Variants in ITPRID1 observed in about 807,000 individuals in gnomAD.
The protein encoded by ITPRID1 is protein ITPRID1.
Under a neutral mutation model 95.4 loss-of-function variants are expected in ITPRID1, and 96 were observed. The ratio of observed to expected loss-of-function variants is 1.01; its 90% CI spans 0.85 to 1.19. The LOEUF (loss-of-function observed/expected upper bound fraction) is 1.19. Ranked by LOEUF, ITPRID1 falls within the 50% of genes most tolerant of loss-of-function variation. The pLI is 0.00. For missense variants in ITPRID1, 1,339 were observed against 1,252.9 expected (o/e 1.07, Z -1.04); for synonymous variants, 510 against 453.6 (o/e 1.12, Z -1.58).
At chr7:31,562,199 A>G (rs1425309379) in intron 5 of ITPRID1, among the ~76,000 whole-genome samples, 2 of 152,112 alleles carry the variant, frequency 1.3e-5, no homozygotes, top group Non-Finnish European at 2.9e-5. Flanking sequence ...GTGAGAGTGC[A>G]TTGTCATTAT....
At chr7:31,601,469 C>T (rs1267387424) in intron 10 of ITPRID1, among the ~76,000 whole-genome samples, 1 of 152,120 alleles carries the variant, frequency 6.6e-6, no homozygotes, top group African/African-American at 2.4e-5. Context: ...TCTGAATTGA[C>T]CTTGAGAGAA....
chr7:31,547,381 C>T (rs893306131), intron 1 of ITPRID1, among the ~76,000 whole-genome samples: 3 of 152,174 alleles, frequency 2.0e-5, no homozygotes, highest in Admixed American at 2.0e-4. Flanking sequence ...CCTCAGGAAA[C>T]TTACAGTCAT....
chr7:31,542,036 C>A (rs898324692), intron 1 of ITPRID1, among the ~76,000 whole-genome samples: 1 of 152,118 alleles, frequency 6.6e-6, no homozygotes, highest in Non-Finnish European at 1.5e-5. Flanking sequence ...AATTCTTTAG[C>A]CTTTTAATGT....
chr7:31,567,998 C>A (rs1217367159), intron 5 of ITPRID1, among the ~76,000 whole-genome samples: 1 of 151,918 alleles, frequency 6.6e-6, no homozygotes, highest in Non-Finnish European at 1.5e-5. Context: ...TGGTGGTACA[C>A]ACCTGTAATC....
At chr7:31,550,535 C>T (rs756624456) in intron 2 of ITPRID1, among the ~76,000 whole-genome samples, 14 of 152,216 alleles carry the variant, frequency 9.2e-5, no homozygotes, top group African/African-American at 2.6e-4. Flanking sequence ...TGTCCCTTTC[C>T]GAAGGGCTGC....
intron 1 of ITPRID1, among the ~76,000 whole-genome samples, chr7:31,548,420 A>T (rs555679424): frequency 2.0e-5 from 3 of 152,306 alleles, no homozygotes; most frequent in African/African-American, 7.2e-5. Flanking sequence ...GGAAATTTAC[A>T]CTATCTTGAA....
intron 10 of ITPRID1, among the ~76,000 whole-genome samples, chr7:31,607,370 AAGG>A (rs1786670490): frequency 6.6e-6 from 1 of 152,174 alleles, no homozygotes; most frequent in South Asian, 2.1e-4. Context: ...GAAATAAGGA[AAGG>A]AGGCAAACTT....
intron 13 of ITPRID1, among the ~76,000 whole-genome samples, chr7:31,651,635 G>A (rs1252366395): frequency 6.6e-6 from 1 of 152,098 alleles, no homozygotes; most frequent in African/African-American, 2.4e-5. Flanking sequence ...AGAGGCATAC[G>A]GGTTTTTCTT....
chr7:31,535,919 A>G (rs117640119), intron 1 of ITPRID1, among the ~76,000 whole-genome samples: 8,068 of 151,884 alleles, frequency 0.053, 300 homozygotes, highest in Non-Finnish European at 0.077. Flanking sequence ...AGATTTTTCT[A>G]TTTATCTTCC....
chr7:31,523,290 G>T (rs1248756095), intron 1 of ITPRID1, among the ~76,000 whole-genome samples: 1 of 152,172 alleles, frequency 6.6e-6, no homozygotes, highest in African/African-American at 2.4e-5. Flanking sequence ...GAGATGTATG[G>T]ATTTAACTAA....
At chr7:31,626,227 A>G (rs1435701609) in intron 10 of ITPRID1, among the ~76,000 whole-genome samples, 1 of 152,218 alleles carries the variant, frequency 6.6e-6, no homozygotes, top group African/African-American at 2.4e-5. Context: ...GAATCATAAC[A>G]TCACATAAAG....
At chr7:31,533,301 T>C (rs1334164006) in intron 1 of ITPRID1, among the ~76,000 whole-genome samples, 1 of 152,192 alleles carries the variant, frequency 6.6e-6, no homozygotes, top group East Asian at 1.9e-4. Flanking sequence ...TCATGAAGTT[T>C]CTTGATAACA....
At chr7:31,581,892 C>T (rs912048901) in intron 9 of ITPRID1, among the ~76,000 whole-genome samples, 4 of 151,554 alleles carry the variant, frequency 2.6e-5, no homozygotes, top group Non-Finnish European at 1.5e-5. Context: ...TAATAGATTA[C>T]AAGTGTAAAG....
rs1211341223 is a variant in ITPRID1 at position 31,655,114 on chromosome 7, T to C, written c.*2285T>C. Among the ~76,000 whole-genome samples the C allele has an allele frequency of 1.3e-5, 2 of 152,208 alleles. No homozygotes were observed. Among genetic ancestry groups the C allele is most frequent in the African/African-American group, 4.8e-5 (2 of 41,466 alleles). ...TCCAGTATCCCAGCCCAGCATTTTT[T>C]ACTGTCCATAAGACATTTTGACCTG... On this transcript the variant is annotated 3_prime_UTR_variant, in exon 15 of 15. Coordinates refer to ENST00000615280, the MANE Select transcript of ITPRID1 (RefSeq NM_001257967.3).
intron 10 of ITPRID1, among the ~76,000 whole-genome samples, chr7:31,615,969 T>C (rs2128168141): frequency 6.6e-6 from 1 of 152,020 alleles, no homozygotes; most frequent in East Asian, 1.9e-4. Context: ...GGTCTCGCTC[T>C]CCTGACCTCC....
chr7:31,519,620 C>CTCTCTCCATATATATATATATATATATA lies in ITPRID1; in HGVS notation c.-98+5501_-98+5502insCTCTCCATATATATATATATATATATAT. Among the ~76,000 whole-genome samples the CTCTCTCCATATATATATATATATATATA allele has an allele frequency of 1.1e-3, 27 of 25,270 alleles. 1 individual carries two copies. Among genetic ancestry groups the CTCTCTCCATATATATATATATATATATA allele is most frequent in the East Asian group, 6.0e-3 (2 of 334 alleles). 16.6% of individuals were successfully genotyped at this position (25,270 alleles called of 152,430 possible). A position where few individuals can be genotyped will look rare whatever the true frequency, so the allele number is the denominator to read the frequency against. On this transcript the variant is annotated intron_variant, in intron 1 of 14. Transcript: ENST00000615280. ...TCTCTCTCTCTCTCTCTCTCTCTCTCTATATATATATATATATATATATAT... is the reference window on the plus strand; with the variant it reads ...TCTCTCTCTCTCTCTCTCTCTCTCTCTCTCTCCATATATATATATATATATATATATATATATATATATATATATATAT...
chr7:31,545,387 A>G (rs1784064148), intron 1 of ITPRID1, among the ~76,000 whole-genome samples: 1 of 152,020 alleles, frequency 6.6e-6, no homozygotes, highest in African/African-American at 2.4e-5. Flanking sequence ...CCTCAAGATG[A>G]AGCAAAGCAA....
At chr7:31,618,767 G>A (rs947043695) in intron 10 of ITPRID1, among the ~76,000 whole-genome samples, 3 of 152,214 alleles carry the variant, frequency 2.0e-5, no homozygotes, top group Non-Finnish European at 2.9e-5. Context: ...GCTGGCAAGT[G>A]TTGGCATCAG....
chr7:31,639,544 T>TTTTTTTTTTTTTTTTTTTTG (rs1562644465), intron 10 of ITPRID1, among the ~76,000 whole-genome samples: 3 of 135,184 alleles, frequency 2.2e-5, no homozygotes, highest in Admixed American at 7.2e-5. Context: ...TTTTGTTTTT[T>TTTTTTTTTTTTTTTTTTTTG]TTTTTTTTTT....
Sources: gnomAD v4.1 joint callset for allele counts (sites outside exome capture counted in the v4.1 genomes callset) on GRCh38, gnomAD v4.1.1 for gene constraint, MANE v1.5 for transcripts, NCBI Gene and HGNC (gene_info 2026-07-23, HGNC 2026-07-21) for gene names.